The following FKBP3 variants were observed in gnomAD, a reference collection of about 807,000 sequenced individuals.
FKBP3 encodes peptidyl-prolyl cis-trans isomerase FKBP3.
In FKBP3, 21 loss-of-function variants were observed where a neutral mutation model predicts 30.6. That is an observed-to-expected ratio of 0.69 (90% confidence interval 0.49 to 0.99). FKBP3 has a LOEUF of 0.99. FKBP3 is among the 50% of genes least tolerant of loss of function. The probability of loss-of-function intolerance (pLI) is 0.00; values close to 1 mark genes in which losing one functional copy is unlikely to be tolerated. For missense variants in FKBP3, 283 were observed against 261.6 expected (o/e 1.08, Z -0.56); for synonymous variants, 82 against 91.3 (o/e 0.90, Z 0.58).
intron 4 of FKBP3, 43 bp from the exon 5 acceptor site, chr14:45,120,997 T>A: frequency 7.1e-7 from 1 of 1,408,192 alleles, no homozygotes; most frequent in Non-Finnish European, 9.9e-7. Flanking sequence ...ATACTCTAAT[T>A]TATTATTAAG....
intron 3 of FKBP3, among the ~76,000 whole-genome samples, chr14:45,127,790 TAAAG>T (rs1885132984): frequency 6.6e-6 from 1 of 152,072 alleles, no homozygotes; most frequent in East Asian, 1.9e-4. Flanking sequence ...GCTGACTGGA[TAAAG>T]AAAGAGAAGG....
At chr14:45,120,527 G>A (rs1281433253) in intron 5 of FKBP3, among the ~76,000 whole-genome samples, 1 of 152,096 alleles carries the variant, frequency 6.6e-6, no homozygotes, top group African/African-American at 2.4e-5. Context: ...CATTTTACAG[G>A]AACCTTAAAT....
chr14:45,128,544 A>C (rs765536065), intron 3 of FKBP3, among the ~76,000 whole-genome samples: 1 of 152,198 alleles, frequency 6.6e-6, no homozygotes, highest in Non-Finnish European at 1.5e-5. Flanking sequence ...TTTTATGATT[A>C]TATGTTTATA....
chr14:45,116,465 T>TG (rs138103531), intron 6 of FKBP3, among the ~76,000 whole-genome samples: 4,656 of 146,918 alleles, frequency 0.032, 210 homozygotes, highest in African/African-American at 0.099. Context: ...TCATTCTAGC[T>TG]GGGGGGGGGT....
chr14:45,118,214 A>G (rs1884898858), intron 5 of FKBP3, 89 bp from the exon 6 acceptor site: 3 of 722,374 alleles, frequency 4.2e-6, no homozygotes, highest in African/African-American at 1.8e-5. Context: ...GTATGTTAAA[A>G]CAAACACAGA....
At chr14:45,125,764 G>A (rs1885081963) in intron 3 of FKBP3, among the ~76,000 whole-genome samples, 1 of 152,092 alleles carries the variant, frequency 6.6e-6, no homozygotes, top group Admixed American at 6.5e-5. Context: ...AATGAGCCCA[G>A]GAGCTGGGTC....
chr14:45,125,198 G>A, intron 3 of FKBP3, among the ~76,000 whole-genome samples: 1 of 152,252 alleles, frequency 6.6e-6, no homozygotes, highest in Admixed American at 6.5e-5. Context: ...TTACAGGCGT[G>A]AGCCACAGTG....
chr14:45,117,133 G>C (rs909572455), intron 6 of FKBP3, among the ~76,000 whole-genome samples: 4 of 152,076 alleles, frequency 2.6e-5, no homozygotes, highest in African/African-American at 9.7e-5. Context: ...CACCACGCCT[G>C]GCTAATTTGT....
At chr14:45,133,234 G>A (rs538472455) in intron 1 of FKBP3, 23 of 160,750 alleles carry the variant, frequency 1.4e-4, no homozygotes, top group South Asian at 1.2e-3. Context: ...TTGGGAGGCC[G>A]AGGCGGGCGG....
chr14:45,118,978 TC>T (rs1884920617), intron 5 of FKBP3, among the ~76,000 whole-genome samples: 2 of 152,174 alleles, frequency 1.3e-5, no homozygotes, highest in Admixed American at 1.3e-4. Flanking sequence ...TGCCTCAGCC[TC>T]CCTAGTAGTT....
intron 5 of FKBP3, among the ~76,000 whole-genome samples, chr14:45,119,729 C>G (rs1409932544): frequency 1.3e-5 from 2 of 150,138 alleles, no homozygotes; most frequent in Non-Finnish European, 3.0e-5. Context: ...GCTCTGTTGC[C>G]CAGGCTGGAG....
rs759239306 is a variant in FKBP3, at chr14:45,134,481, T to C, written c.-25A>G. ...TCTTCCCCCGCTGCCTCCGCTTTAC[T>C]GAGCCAGCCCGCCGCAGTTCGGCAT... is the stretch of plus-strand genomic sequence containing the variant. On this transcript the variant is annotated 5_prime_UTR_variant, in exon 1 of 7. Coordinates refer to ENST00000396062, the MANE Select transcript of FKBP3 (RefSeq NM_002013.4). The C allele has an allele frequency of 1.3e-5, 20 of 1,590,864 alleles. 1 individual carries two copies. The South Asian group carries it at 2.2e-4, about 18-fold the overall frequency.
At chr14:45,131,517 A>T (rs1417500395) in intron 1 of FKBP3, among the ~76,000 whole-genome samples, 1 of 151,088 alleles carries the variant, frequency 6.6e-6, no homozygotes, top group Non-Finnish European at 1.5e-5. Flanking sequence ...CTGTAGTCCC[A>T]GCTCGGGAGG....
At chr14:45,131,017 AGTGTT>A (rs1197511522) in intron 1 of FKBP3, 8 of 434,804 alleles carry the variant, frequency 1.8e-5, no homozygotes, top group Non-Finnish European at 2.9e-5. Context: ...CTGCAACTGT[AGTGTT>A]ATGTACTGAA....
Position 45,118,075 on chromosome 14 carries a change from C to G in FKBP3, c.573G>C (p.Glu191Asp). 11 of 1,605,036 alleles carry G rather than the reference C, an allele frequency of 6.9e-6. No individual in the cohort carries two copies. The highest frequency in any genetic ancestry group is 8.5e-6 in the Non-Finnish European group (10 of 1,176,194). The change falls in exon 6 of 7, where the codon GAG becomes GAC. Residue 191 changes from glutamate (E) to aspartate (D), a missense_variant. Coordinates refer to ENST00000396062, the MANE Select transcript of FKBP3 (RefSeq NM_002013.4). ...TTCCGTAAGCCCATTCTGGTTCAAT[C>G]TCCAGTCGAGCCTTTTCTCCTTTAC... ...TMSKGEKARL[E>D]IEPEWAYGKK...
intron 3 of FKBP3, 100 bp from the exon 4 acceptor site, chr14:45,121,720 G>C: frequency 7.5e-7 from 1 of 1,331,480 alleles, no homozygotes; most frequent in Non-Finnish European, 1.0e-6. Context: ...AGTTTAAAGA[G>C]TTTGATGGAT....
intron 1 of FKBP3, among the ~76,000 whole-genome samples, chr14:45,133,019 A>T (rs1323743402): frequency 6.6e-6 from 1 of 152,216 alleles, no homozygotes; most frequent in Non-Finnish European, 1.5e-5. Flanking sequence ...CCAAACACTG[A>T]GAATAGTTCT....
intron 3 of FKBP3, among the ~76,000 whole-genome samples, chr14:45,127,317 G>A (rs1006533254): frequency 6.7e-6 from 1 of 148,868 alleles, no homozygotes; most frequent in Non-Finnish European, 1.5e-5. Context: ...GTTTAACCAT[G>A]TTGGCCAGGC....
intron 1 of FKBP3, 80 bp from the exon 2 acceptor site, chr14:45,130,880 G>C (rs1885198588): frequency 1.4e-6 from 1 of 739,380 alleles, no homozygotes; most frequent in Admixed American, 2.8e-5. Context: ...ATCCTTTTAT[G>C]TTAGCAGTTG....
Sources: gnomAD v4.1 joint callset for allele counts (sites outside exome capture counted in the v4.1 genomes callset) on GRCh38, gnomAD v4.1.1 for gene constraint, MANE v1.5 for transcripts, NCBI Gene and HGNC (gene_info 2026-07-23, HGNC 2026-07-21) for gene names.